Variants in HOGA1 observed in about 807,000 individuals in gnomAD.
HOGA1 encodes the protein 4-hydroxy-2-oxoglutarate aldolase, mitochondrial.
A neutral mutation model predicts 34.3 loss-of-function variants in HOGA1; 30 were observed. The ratio of observed to expected loss-of-function variants is 0.87; its 90% CI spans 0.65 to 1.19. The LOEUF (loss-of-function observed/expected upper bound fraction) is 1.19. Among genes scored for constraint, HOGA1 ranks in the 50% most tolerant of loss-of-function variants. The pLI, the probability that HOGA1 is intolerant of heterozygous loss-of-function variation, is 0.00. For missense variants in HOGA1, 417 were observed against 436.5 expected (o/e 0.96, Z 0.40); for synonymous variants, 161 against 174.0 (o/e 0.93, Z 0.59).
intron 3 of HOGA1, 158 bp from the exon 4 acceptor site, chr10:97,599,522 C>T: frequency 3.2e-6 from 3 of 933,606 alleles, no homozygotes; most frequent in Non-Finnish European, 5.1e-6. Flanking sequence ...ATATGACCCA[C>T]TGTGATTGCT....
chr10:97,600,452 T>G (rs543192255), intron 5 of HOGA1: 1 of 498,100 alleles, frequency 2.0e-6, no homozygotes, highest in East Asian at 3.8e-5. Context: ...GATGACAAAC[T>G]TAGCTGCTCT....
intron 6 of HOGA1, among the ~76,000 whole-genome samples, chr10:97,606,263 T>C (rs2041157509): frequency 6.6e-6 from 1 of 151,640 alleles, no homozygotes; most frequent in South Asian, 2.1e-4. Flanking sequence ...ATCATGCCAT[T>C]GCACTCCAGC....
In HOGA1 at chr10:97,602,258, A is replaced by C. The variant is rs562942434; in HGVS notation, c.834+268A>C. 4.2e-6 allele frequency: 6 copies of C among 1,437,688 alleles called. No homozygotes were observed. In the African/African-American group the frequency reaches 5.6e-5, roughly 14 times the overall value. The allele number at this position is 1,437,688 out of a possible 1,614,324, so 89.1% of individuals were successfully genotyped here. ...AGTTCCAACTTTTGGGCCCAAGAAG[A>C]TGCATTGAAACAAACATCCTGTGTG... On this transcript the variant is annotated intron_variant, in intron 6 of 6. Transcript: ENST00000370646.
intron 1 of HOGA1, among the ~76,000 whole-genome samples, chr10:97,593,029 C>CA (rs1169191059): frequency 0.014 from 642 of 47,308 alleles, 14 homozygotes; most frequent in South Asian, 0.036. Flanking sequence ...GACTCTGTCT[C>CA]AAAAAAAAAA....
chr10:97,590,440 T>G, intron 1 of HOGA1: 1 of 1,613,902 alleles, frequency 6.2e-7, no homozygotes, highest in South Asian at 1.1e-5. Flanking sequence ...TGCAAAAGAA[T>G]TTCCTCACCC....
chr10:97,590,984 G>T, intron 1 of HOGA1: 1 of 191,382 alleles, frequency 5.2e-6, no homozygotes. Context: ...CAGGGATGGA[G>T]GGAGGGGGCT....
chr10:97,589,891 A>G, intron 1 of HOGA1: 1 of 1,607,452 alleles, frequency 6.2e-7, no homozygotes, highest in Non-Finnish European at 8.5e-7. Context: ...TAGGAGGTGG[A>G]GGTCTCATGC....
chr10:97,600,165 T>G lies in HOGA1; in HGVS notation c.700+2T>G, dbSNP rs990830655. ...TTCTGATGGCCAGCTATGCCTTGGG[T>G]AGGCCGCCCACTGCTCTCAAATTGT... On this transcript the variant is annotated splice_donor_variant, in intron 5 of 6. Transcript: ENST00000370646. LOFTEE classifies it high-confidence loss of function. The G allele has an allele frequency of 3.1e-6, 5 of 1,612,554 alleles. No individual in the cohort carries two copies. The highest frequency in any genetic ancestry group is 2.7e-5 in the African/African-American group (2 of 74,844).
At chr10:97,609,546 C>T (rs2041180907) in intron 6 of HOGA1, among the ~76,000 whole-genome samples, 1 of 152,154 alleles carries the variant, frequency 6.6e-6, no homozygotes, top group Non-Finnish European at 1.5e-5. Flanking sequence ...AGGCTGTAGG[C>T]TCAGACACCC....
rs112155916 is a variant in HOGA1 at position 97,611,383 on chromosome 10, A to G, written c.835-127A>G. The G allele has an allele frequency of 1.3e-3, 1,313 of 1,015,556 alleles. 14 individuals carry two copies. In the African/African-American group the frequency reaches 0.014, roughly 11 times the overall value. The allele number at this position is 1,015,556 out of a possible 1,614,324, so 62.9% of individuals were successfully genotyped here. On this transcript the variant is annotated intron_variant, in intron 6 of 6. Coordinates refer to ENST00000370646, the MANE Select transcript of HOGA1 (RefSeq NM_138413.4). ...TCCCAATGTACCCTGGGTGCCATAGAGTTGGCAGTTACTTTCCTGGGGGAA... is the reference window on the plus strand; with the variant it reads ...TCCCAATGTACCCTGGGTGCCATAGGGTTGGCAGTTACTTTCCTGGGGGAA...
chr10:97,590,110 C>G (rs942609041), intron 1 of HOGA1: 1 of 1,614,132 alleles, frequency 6.2e-7, no homozygotes, highest in Admixed American at 1.7e-5. Flanking sequence ...AGGTCAGCTC[C>G]ACGGTTCACA....
At chr10:97,606,007 G>A (rs116726005) in intron 6 of HOGA1, among the ~76,000 whole-genome samples, 1 of 151,770 alleles carries the variant, frequency 6.6e-6, no homozygotes, top group Non-Finnish European at 1.5e-5. Context: ...AAAGAGTTCT[G>A]GGCATGGTGG....
At chr10:97,608,755 G>A (rs768793165) in intron 6 of HOGA1, among the ~76,000 whole-genome samples, 4 of 151,330 alleles carry the variant, frequency 2.6e-5, no homozygotes, top group Non-Finnish European at 5.9e-5. Context: ...GCAGTGAGCC[G>A]AGATCGTACC....
intron 1 of HOGA1, chr10:97,590,444 C>T (rs1469785148): frequency 6.2e-7 from 1 of 1,613,960 alleles, no homozygotes; most frequent in Non-Finnish European, 8.5e-7. Flanking sequence ...AAAGAATTTC[C>T]TCACCCAGCG....
At chr10:97,607,343 G>A (rs565321601) in intron 6 of HOGA1, among the ~76,000 whole-genome samples, 3 of 152,274 alleles carry the variant, frequency 2.0e-5, no homozygotes, top group South Asian at 2.1e-4. Flanking sequence ...AGCTGGGAGC[G>A]GGGGTGGCAG....
intron 1 of HOGA1, among the ~76,000 whole-genome samples, chr10:97,596,081 G>T (rs186942947): frequency 2.1e-4 from 32 of 152,358 alleles, no homozygotes; most frequent in Admixed American, 1.0e-3. Flanking sequence ...GATGTGACTT[G>T]TTCAATATCC....
chr10:97,604,574 G>C (rs2041143254), intron 6 of HOGA1, among the ~76,000 whole-genome samples: 1 of 151,864 alleles, frequency 6.6e-6, no homozygotes, highest in African/African-American at 2.4e-5. Flanking sequence ...TCTTTCCTCA[G>C]CCTCCCAAAG....
At chr10:97,602,971 C>A (rs141634397) in intron 6 of HOGA1, among the ~76,000 whole-genome samples, 1 of 152,130 alleles carries the variant, frequency 6.6e-6, no homozygotes, top group African/African-American at 2.4e-5. Context: ...GGATTACAGG[C>A]GTAAGCCACA....
chr10:97,585,749 C>G (rs1437957232), intron 1 of HOGA1, among the ~76,000 whole-genome samples: 1 of 152,190 alleles, frequency 6.6e-6, no homozygotes, highest in Non-Finnish European at 1.5e-5. Context: ...ATTATAAACC[C>G]TTTGGAGCTG....
Sources: gnomAD v4.1 joint callset for allele counts (sites outside exome capture counted in the v4.1 genomes callset) on GRCh38, gnomAD v4.1.1 for gene constraint, MANE v1.5 for transcripts, NCBI Gene and HGNC (gene_info 2026-07-23, HGNC 2026-07-21) for gene names.